ARID1A: variants seen among roughly 807,000 people sequenced by gnomAD.
ARID1A encodes the protein AT-rich interactive domain-containing protein 1A.
Under a neutral mutation model 212.6 loss-of-function variants are expected in ARID1A, and 20 were observed. The ratio of observed to expected loss-of-function variants is 0.09; its 90% confidence interval spans 0.07 to 0.14. The LOEUF is 0.14. ARID1A is among the 10% of genes least tolerant of loss of function. ARID1A has a pLI of 1.00. For synonymous variants in ARID1A, 1,376 were observed against 1,222.1 expected (o/e 1.13, Z -2.63); for missense variants, 2,587 against 3,059.0 (o/e 0.85, Z 3.64).
At position 26,771,787 on chromosome 1, in the gene ARID1A, C is replaced by G; in HGVS notation, c.3406+461C>G. The G allele has an allele frequency of 5.5e-6, 1 of 183,170 alleles. No individual in the cohort carries two copies. Among genetic ancestry groups the G allele is most frequent in the Non-Finnish European group, 1.2e-5 (1 of 86,822 alleles). 11.3% of individuals were successfully genotyped at this position (183,170 alleles called of 1,614,324 possible). A position where few individuals can be genotyped will look rare whatever the true frequency, so the allele number is the denominator to read the frequency against. On this transcript the variant is annotated intron_variant, in intron 12 of 19. Coordinates refer to ENST00000324856, the MANE Select transcript of ARID1A (RefSeq NM_006015.6). This position sits in a 1 kb window ranked among gnomAD's most constrained non-coding sequence, Gnocchi z 5.4. ...ATGGAACTCCCTGATGGGAGTGGCT[C>G]TGCTCACCCTCCTTTCTGAGAGGAG... is the stretch of plus-strand genomic sequence containing the variant.
At chr1:26,764,100 G>A (rs1355218953) in intron 8 of ARID1A, among the ~76,000 whole-genome samples, 1 of 152,008 alleles carries the variant, frequency 6.6e-6, no homozygotes, top group African/African-American at 2.4e-5. Context: ...CTCCCAAGTA[G>A]CTGGTGTTAC....
At chr1:26,702,780 A>G (rs565521990) in intron 1 of ARID1A, among the ~76,000 whole-genome samples, 1 of 152,178 alleles carries the variant, frequency 6.6e-6, no homozygotes, top group East Asian at 1.9e-4. Flanking sequence ...TGGTAGTGAA[A>G]CCTCTGTGGC....
intron 1 of ARID1A, among the ~76,000 whole-genome samples, chr1:26,721,239 TCTCA>T (rs952914682): frequency 5.1e-4 from 77 of 152,284 alleles, no homozygotes; most frequent in African/African-American, 1.8e-3. Flanking sequence ...TGAGACCGAG[TCTCA>T]CTCTGTCACC....
intron 1 of ARID1A, among the ~76,000 whole-genome samples, chr1:26,726,148 G>A (rs900144546): frequency 4.0e-5 from 6 of 149,986 alleles, no homozygotes; most frequent in Non-Finnish European, 5.9e-5. Flanking sequence ...GAGTCACTGC[G>A]CCCAGCCTTG....
At chr1:26,758,164 C>T (rs1489446205) in intron 4 of ARID1A, among the ~76,000 whole-genome samples, 1 of 152,172 alleles carries the variant, frequency 6.6e-6, no homozygotes, top group African/African-American at 2.4e-5. Context: ...GCTATATAGA[C>T]TGTAGGGCCT....
rs2124126105 is a variant in ARID1A at position 26,775,577 on chromosome 1, G to C, written c.4994G>C (p.Gly1665Ala). Residue 1665 changes from glycine (G) to alanine (A), a missense_variant and splice_region_variant, in exon 19 of 20, where the codon GGA (glycine) becomes GCA (alanine). Gly to Ala is a moderately conservative substitution (Grantham distance 60, BLOSUM62 0). Around this residue, in one of 11 missense-constraint regions of ARID1A, gnomAD observed 890 missense variants for 1,098.2 expected, o/e 0.81. Transcript: ENST00000324856. ...TAGACGACATGGAGGTTTATTTCAGGAACCCCGGAGGCATGGCGGGTAATG... is the reference window on the plus strand; with the variant it reads ...TAGACGACATGGAGGTTTATTTCAGCAACCCCGGAGGCATGGCGGGTAATG... Reference protein sequence around the residue: ...QRRRLTMKDIGTPEAWRVMMS... With the variant: ...QRRRLTMKDIATPEAWRVMMS... 1 of 1,614,028 alleles carries C rather than the reference G, an allele frequency of 6.2e-7. No individual in the cohort carries two copies. Among genetic ancestry groups the C allele is most frequent in the Non-Finnish European group, 8.5e-7 (1 of 1,180,004 alleles).
At position 26,696,148 on chromosome 1, in the gene ARID1A, C is replaced by A; in HGVS notation, c.-256C>A. 1 of 496,318 alleles carries A rather than the reference C, an allele frequency of 2.0e-6. No individual in the cohort carries two copies. Among genetic ancestry groups the A allele is most frequent in the Non-Finnish European group, 2.9e-6 (1 of 348,854 alleles). The allele number at this position is 496,318 out of a possible 1,614,324, so 30.7% of individuals were successfully genotyped here. Reference sequence around the variant, plus strand: ...CCGGGAGAGCCGGGTCCCGAGCCTACAGAGCCGGGAGCAGCTGAGCCGCCG... The same window carrying A: ...CCGGGAGAGCCGGGTCCCGAGCCTAAAGAGCCGGGAGCAGCTGAGCCGCCG... On this transcript the variant is annotated 5_prime_UTR_variant, in exon 1 of 20. Coordinates refer to ENST00000324856, the MANE Select transcript of ARID1A (RefSeq NM_006015.6).
chr1:26,762,147 A>T lies in ARID1A; in HGVS notation c.2252-5A>T, dbSNP rs1244785665. On this transcript the variant is annotated splice_polypyrimidine_tract_variant and splice_region_variant and intron_variant, in intron 6 of 19. Transcript: ENST00000324856. ...AATAACTATATGGATGCTACCCACA[A>T]ATAGGTTATATGCAGAGGAACCCCC... The T allele has an allele frequency of 6.2e-7, 1 of 1,610,166 alleles. No homozygotes were observed. The highest frequency in any genetic ancestry group is 8.5e-7 in the Non-Finnish European group (1 of 1,177,854).
At chr1:26,740,267 G>T (rs565801829) in intron 4 of ARID1A, among the ~76,000 whole-genome samples, 1 of 152,160 alleles carries the variant, frequency 6.6e-6, no homozygotes, top group African/African-American at 2.4e-5. Context: ...CCATGATTCC[G>T]AATATGATAC....
Position 26,696,366 on chromosome 1 carries a change from C to G in ARID1A, c.-38C>G, listed in dbSNP as rs2124739499. 4.1e-6 allele frequency: 5 copies of G among 1,223,038 alleles called. No individual in the cohort carries two copies. Among genetic ancestry groups the G allele is most frequent in the Non-Finnish European group, 5.1e-6 (5 of 981,194 alleles). 75.8% of individuals were successfully genotyped at this position (1,223,038 alleles called of 1,614,324 possible). ...GTGGGAGGGGGGGAGAAGACGAAGA[C>G]AGGGCCGGGTCTCTCCGCGGACGAG... On this transcript the variant is annotated 5_prime_UTR_variant, in exon 1 of 20. Coordinates refer to ENST00000324856, the MANE Select transcript of ARID1A (RefSeq NM_006015.6).
intron 3 of ARID1A, 113 bp downstream of exon 3, chr1:26,731,717 CAATTA>C: frequency 8.7e-7 from 1 of 1,150,426 alleles, no homozygotes; most frequent in Non-Finnish European, 1.2e-6. Context: ...ACTTAAAGAC[CAATTA>C]AACTCTGGGT....
chr1:26,735,437 C>T (rs1288864189), intron 4 of ARID1A, among the ~76,000 whole-genome samples: 6 of 152,128 alleles, frequency 3.9e-5, no homozygotes, highest in African/African-American at 7.2e-5. Flanking sequence ...GGATTACAGG[C>T]GCCCTCTACC....
intron 4 of ARID1A, 152 bp downstream of exon 4, chr1:26,732,944 T>G (rs1391087175): frequency 1.5e-6 from 1 of 652,930 alleles, no homozygotes; most frequent in African/African-American, 1.8e-5. Flanking sequence ...CTTGTAGATG[T>G]CTGTTCTGTC....
In ARID1A at chr1:26,697,494, C is replaced by A. The variant is rs1204814651; in HGVS notation, c.1091C>A (p.Pro364His). 1 of 1,403,426 alleles carries A rather than the reference C, an allele frequency of 7.1e-7. No homozygotes were observed. Among genetic ancestry groups the A allele is most frequent in the Non-Finnish European group, 9.2e-7 (1 of 1,086,318 alleles). 86.9% of individuals were successfully genotyped at this position (1,403,426 alleles called of 1,614,324 possible). The change falls in exon 1 of 20, where the codon CCC becomes CAC. Residue 364 changes from proline to histidine, a missense_variant. By Grantham distance (77) the Pro-to-His change is moderately conservative (BLOSUM62 -2). Transcript: ENST00000324856. ...QQRSHHAPMS[P>H]GSSGGGGQPL... The stretch of plus-strand genomic sequence containing the variant: ...AGGAGCCACCACGCGCCCATGAGCC[C>A]CGGGAGCAGCGGCGGCGGGGGGCAG...
chr1:26,756,573 AAAAAAC>A (rs2080939152), intron 4 of ARID1A, among the ~76,000 whole-genome samples: 1 of 151,570 alleles, frequency 6.6e-6, no homozygotes, highest in African/African-American at 2.4e-5. Context: ...TTAAAAAAAA[AAAAAAC>A]AAAAAAACAC....
At chr1:26,714,240 C>T (rs554242999) in intron 1 of ARID1A, among the ~76,000 whole-genome samples, 5 of 152,254 alleles carry the variant, frequency 3.3e-5, no homozygotes, top group Admixed American at 2.6e-4. Context: ...CCTGTACATA[C>T]TTGTATAGTT....
chr1:26,775,320 A>G (rs988890530), intron 18 of ARID1A, 100 bp downstream of exon 18: 1 of 1,477,968 alleles, frequency 6.8e-7, no homozygotes, highest in South Asian at 1.4e-5. Flanking sequence ...AATCTGGTCC[A>G]GTGTTGACTA....
In ARID1A at chr1:26,763,218, G is replaced by A. The variant is rs1048929723; in HGVS notation, c.2665G>A (p.Gly889Ser). Residue 889 changes from glycine (G) to serine (S), a missense_variant, in exon 8 of 20, where the codon GGC becomes AGC. Coordinates refer to ENST00000324856, the MANE Select transcript of ARID1A (RefSeq NM_006015.6). ...VGSGMCPPPG[G>S]MNRKTQETAV... ...GTCAGGGATGTGTCCCCCACCAGGG[G>A]GCATGAACCGGAAAACCCAAGAAAC... 1 of 1,613,830 alleles carries A rather than the reference G, an allele frequency of 6.2e-7. No individual in the cohort carries two copies. Among genetic ancestry groups the A allele is most frequent in the Non-Finnish European group, 8.5e-7 (1 of 1,179,716 alleles).
intron 1 of ARID1A, among the ~76,000 whole-genome samples, chr1:26,715,382 G>A (rs2080493066): frequency 6.6e-6 from 1 of 152,178 alleles, no homozygotes; most frequent in Non-Finnish European, 1.5e-5. Flanking sequence ...GGTAGGTAAT[G>A]ATAAGTAGGG....
Sources: allele counts gnomAD v4.1 joint callset (sites outside exome capture counted in the v4.1 genomes callset), GRCh38; gene constraint gnomAD v4.1.1; regional missense constraint gnomAD v4.1.1; non-coding constraint Gnocchi (gnomAD v3.1); transcripts MANE v1.5; gene names NCBI Gene and HGNC (gene_info 2026-07-23, HGNC 2026-07-21).